Variants in MDGA2 observed in about 807,000 individuals in gnomAD.
The protein encoded by MDGA2 is MAM domain containing glycosylphosphatidylinositol anchor 2, also known as MAM domain-containing glycosylphosphatidylinositol anchor protein 2.
MDGA2 carries 40 observed loss-of-function variants against 117.8 expected under a neutral mutation model. That is an observed-to-expected ratio of 0.34 (90% CI 0.26 to 0.44). The LOEUF (loss-of-function observed/expected upper bound fraction) is 0.44. MDGA2 is among the 20% of genes least tolerant of loss of function. MDGA2 has a pLI of 1.00. For missense variants in MDGA2, 1,123 were observed against 1,250.6 expected (o/e 0.90, Z 1.54); for synonymous variants, 452 against 439.0 (o/e 1.03, Z -0.37).
intron 2 of MDGA2, among the ~76,000 whole-genome samples, chr14:47,231,427 T>C (rs1253255145): frequency 6.6e-6 from 1 of 152,082 alleles, no homozygotes; most frequent in East Asian, 1.9e-4. Flanking sequence ...CCAGAGCCTG[T>C]GCTCAATCTC....
At chr14:47,220,252 T>A (rs1886250523) in intron 2 of MDGA2, among the ~76,000 whole-genome samples, 1 of 152,080 alleles carries the variant, frequency 6.6e-6, no homozygotes, top group Non-Finnish European at 1.5e-5. Context: ...CCATACATAC[T>A]CCGATAAAAG....
intron 5 of MDGA2, among the ~76,000 whole-genome samples, chr14:47,113,173 A>T (rs181379284): frequency 1.6e-4 from 25 of 152,146 alleles, no homozygotes; most frequent in African/African-American, 6.0e-4. Flanking sequence ...ACCATCAGAG[A>T]ATACTATAAA....
At chr14:47,643,000 A>G (rs1041226370) in intron 1 of MDGA2, among the ~76,000 whole-genome samples, 2 of 152,008 alleles carry the variant, frequency 1.3e-5, no homozygotes, top group African/African-American at 4.8e-5. Flanking sequence ...AGTATTTTGT[A>G]TGTATGTATG....
chr14:47,308,259 A>G (rs1197486257), intron 1 of MDGA2, among the ~76,000 whole-genome samples: 1 of 152,188 alleles, frequency 6.6e-6, no homozygotes, highest in East Asian at 1.9e-4. Context: ...GCTTACTCAT[A>G]TGTAAAAAGG....
chr14:47,307,306 C>A (rs1307059669), intron 1 of MDGA2, among the ~76,000 whole-genome samples: 1 of 152,138 alleles, frequency 6.6e-6, no homozygotes, highest in Non-Finnish European at 1.5e-5. Context: ...CAGTCCTAGT[C>A]CATATTACTC....
At chr14:46,953,507 C>G (rs6572396) in intron 9 of MDGA2, among the ~76,000 whole-genome samples, 59,792 of 151,606 alleles carry the variant, frequency 0.39, 15,638 homozygotes, top group African/African-American at 0.74. Context: ...ATTTTATTTT[C>G]CTCTTATTTT....
At chr14:47,410,703 G>C (rs1344030161) in intron 1 of MDGA2, among the ~76,000 whole-genome samples, 1 of 152,060 alleles carries the variant, frequency 6.6e-6, no homozygotes, top group Non-Finnish European at 1.5e-5. Flanking sequence ...ACTGCAAAAT[G>C]TCCACATTCC....
In MDGA2 at chr14:47,540,563, T is replaced by TATATATACAC. The variant is rs370481455; in HGVS notation, c.280+133953_280+133954insGTGTATATAT. On this transcript the variant is annotated intron_variant, in intron 1 of 16. Coordinates refer to ENST00000399232, the MANE Select transcript of MDGA2 (RefSeq NM_001113498.3). The stretch of plus-strand genomic sequence containing the variant: ...GTGTATATATATATATGTATATATA[T>TATATATACAC]ACACACACACATAGAGAGAGAGACA... Among the ~76,000 whole-genome samples, 278 of 112,434 alleles carry TATATATACAC rather than the reference T, an allele frequency of 2.5e-3. 19 individuals carry two copies. The East Asian group carries it at 0.025, about 10-fold the overall frequency. 73.8% of individuals were successfully genotyped at this position (112,434 alleles called of 152,430 possible).
At chr14:47,382,129 GCTGGGAAAA>G (rs1234611640) in intron 1 of MDGA2, among the ~76,000 whole-genome samples, 1 of 152,190 alleles carries the variant, frequency 6.6e-6, no homozygotes, top group Non-Finnish European at 1.5e-5. Context: ...AATAAATGAT[GCTGGGAAAA>G]CTGGCTAGCC....
At position 47,350,588 on chromosome 14, in the gene MDGA2, C is replaced by T. The variant is rs111886960; in HGVS notation, c.281-49038G>A. 4.8e-3 allele frequency among the ~76,000 whole-genome samples: 725 copies of T among 152,090 alleles called. 4 individuals carry two copies. The highest frequency in any genetic ancestry group is 0.017 in the African/African-American group (688 of 41,446). ...GTGTGTGCACGCGTGTGTGTGTGTG[C>T]GCGCACACGTGGGAGTGTAAGACAA... On this transcript the variant is annotated intron_variant, in intron 1 of 16. Transcript: ENST00000399232.
chr14:47,036,398 T>C (rs1208653198), intron 7 of MDGA2, among the ~76,000 whole-genome samples: 1 of 152,136 alleles, frequency 6.6e-6, no homozygotes, highest in African/African-American at 2.4e-5. Context: ...CTGAAATATA[T>C]TTATGTTAGA....
At chr14:47,406,699 A>G (rs1892268402) in intron 1 of MDGA2, among the ~76,000 whole-genome samples, 1 of 152,068 alleles carries the variant, frequency 6.6e-6, no homozygotes, top group Non-Finnish European at 1.5e-5. Context: ...GTGTGGTTCA[A>G]TGACTCAGCC....
chr14:47,262,886 A>C (rs1337223388), intron 2 of MDGA2, among the ~76,000 whole-genome samples: 1 of 152,162 alleles, frequency 6.6e-6, no homozygotes, highest in Non-Finnish European at 1.5e-5. Flanking sequence ...AAAATGTCAT[A>C]GCCAAAGAAT....
intron 1 of MDGA2, among the ~76,000 whole-genome samples, chr14:47,343,853 T>A (rs1037842977): frequency 1.3e-5 from 2 of 152,102 alleles, no homozygotes; most frequent in Admixed American, 6.6e-5. Context: ...TAAGGTAATA[T>A]GCATTAATTC....
chr14:47,544,136 A>G (rs1385074764), intron 1 of MDGA2, among the ~76,000 whole-genome samples: 1 of 152,202 alleles, frequency 6.6e-6, no homozygotes, highest in East Asian at 1.9e-4. Flanking sequence ...TATAGAAAGT[A>G]TGTCAGAGAC....
chr14:47,385,769 C>A (rs10141569), intron 1 of MDGA2, among the ~76,000 whole-genome samples: 152,258 of 152,258 alleles, frequency 1, 76,129 homozygotes, highest in Non-Finnish European at 1. Context: ...TTGTGTGAGC[C>A]AAATGAACAA....
intron 2 of MDGA2, among the ~76,000 whole-genome samples, chr14:47,240,979 T>A (rs986462424): frequency 1.3e-5 from 2 of 151,888 alleles, no homozygotes; most frequent in African/African-American, 4.8e-5. Flanking sequence ...AAGAGGCACA[T>A]GTGTGATTTT....
intron 1 of MDGA2, among the ~76,000 whole-genome samples, chr14:47,449,369 T>A (rs1351734286): frequency 6.6e-6 from 1 of 152,178 alleles, no homozygotes; most frequent in African/African-American, 2.4e-5. Flanking sequence ...ACTATTAGAC[T>A]CACCTCTACT....
chr14:47,549,314 A>C (rs923742794), intron 1 of MDGA2, among the ~76,000 whole-genome samples: 5 of 147,992 alleles, frequency 3.4e-5, no homozygotes, highest in Non-Finnish European at 7.5e-5. Context: ...ATTCTAAAAA[A>C]GTTCATGTTG....
Sources: allele counts gnomAD v4.1 joint callset (sites outside exome capture counted in the v4.1 genomes callset), GRCh38; gene constraint gnomAD v4.1.1; transcripts MANE v1.5; gene names NCBI Gene and HGNC (gene_info 2026-07-23, HGNC 2026-07-21).